The following STON1 variants were observed in gnomAD, a reference collection of about 807,000 sequenced individuals.
STON1 encodes stonin 1, also known as stonin-1.
Under a neutral mutation model 60.9 loss-of-function variants are expected in STON1, and 79 were observed. The ratio of observed to expected loss-of-function variants is 1.30; its 90% CI spans 1.08 to 1.56. The LOEUF (loss-of-function observed/expected upper bound fraction) is 1.56. Ranked by LOEUF, STON1 falls within the 40% of genes most tolerant of loss-of-function variation. The pLI is 0.00. For synonymous variants in STON1, 363 were observed against 306.9 expected (o/e 1.18, Z -1.91); for missense variants, 1,166 against 858.9 (o/e 1.36, Z -4.47).
At chr2:48,573,551 C>G (rs376768030) in intron 1 of STON1, among the ~76,000 whole-genome samples, 38 of 152,090 alleles carry the variant, frequency 2.5e-4, no homozygotes, top group African/African-American at 8.7e-4. Flanking sequence ...TTGGGTTACC[C>G]AAGCCCCACA....
rs929993017 is a variant in STON1, at chr2:48,596,644, G to A, written c.*1342G>A. ...TAGTGTTCTTCCAAACAACATTTATGTGTTGGCCTACAGAGTTTATTTCAT... is the reference window on the plus strand; with the variant it reads ...TAGTGTTCTTCCAAACAACATTTATATGTTGGCCTACAGAGTTTATTTCAT... On this transcript the variant is annotated 3_prime_UTR_variant, in exon 4 of 4. Transcript: ENST00000404752. The A allele has an allele frequency of 1.3e-5, 2 of 151,888 alleles. No individual in the cohort carries two copies. The highest frequency in any genetic ancestry group is 1.3e-4 in the Admixed American group (2 of 15,254). The allele number at this position is 151,888 out of a possible 1,614,324, so 9.4% of individuals were successfully genotyped here.
intron 3 of STON1, among the ~76,000 whole-genome samples, chr2:48,593,250 G>A (rs1294626814): frequency 6.6e-6 from 1 of 152,006 alleles, no homozygotes; most frequent in African/African-American, 2.4e-5. Context: ...CGAGTAGCTG[G>A]GATTACAGGT....
chr2:48,565,540 G>T (rs1672904628), intron 1 of STON1, among the ~76,000 whole-genome samples: 1 of 152,138 alleles, frequency 6.6e-6, no homozygotes, highest in South Asian at 2.1e-4. Flanking sequence ...TGGGCACAGG[G>T]ATCTAAGACA....
In STON1 at chr2:48,593,906, T is replaced by G. The variant is rs569657211; in HGVS notation, c.2134-1322T>G. ...CCCCTTCAGACCTGAAGGATGTATT[T>G]CCCCAGCAGGTGGGAATTGCCGCCG... On this transcript the variant is annotated intron_variant, in intron 3 of 3. Transcript: ENST00000404752. Among the ~76,000 whole-genome samples, 24 of 152,270 alleles carry G rather than the reference T, an allele frequency of 1.6e-4. No individual in the cohort carries two copies. In the South Asian group the frequency reaches 4.6e-3, roughly 29 times the overall value.
In STON1 at chr2:48,596,492, T is replaced by C. The variant is rs1674786026; in HGVS notation, c.*1190T>C. On this transcript the variant is annotated 3_prime_UTR_variant, in exon 4 of 4. Coordinates refer to ENST00000404752, the MANE Select transcript of STON1 (RefSeq NM_006873.4). ...TTTATGAAATCTATATTCCAGGTATTGTTTTTAGTCTGAAAAACAAACTCC... is the reference window on the plus strand; with the variant it reads ...TTTATGAAATCTATATTCCAGGTATCGTTTTTAGTCTGAAAAACAAACTCC... The C allele has an allele frequency of 6.6e-6, 1 of 152,234 alleles. No individual in the cohort carries two copies. Among genetic ancestry groups the C allele is most frequent in the African/African-American group, 2.4e-5 (1 of 41,464 alleles). 9.4% of individuals were successfully genotyped at this position (152,234 alleles called of 1,614,324 possible). A position where few individuals can be genotyped will look rare whatever the true frequency, so the allele number is the denominator to read the frequency against.
At chr2:48,553,755 T>C (rs2103797462) in intron 1 of STON1, among the ~76,000 whole-genome samples, 1 of 152,334 alleles carries the variant, frequency 6.6e-6, no homozygotes, top group Non-Finnish European at 1.5e-5. Context: ...TCCAAAGTGC[T>C]GGGATTACAG....
In STON1 at chr2:48,582,442, G is replaced by T. The variant is rs199917756; in HGVS notation, c.1809G>T (p.Leu603=). Reference sequence around the variant, plus strand: ...CTAAAATGAACCGCCGAGCATGTCTGGGGAGTTTACAGGAACTTGAATCTG... The same window carrying T: ...CTAAAATGAACCGCCGAGCATGTCTTGGGAGTTTACAGGAACTTGAATCTG... ...LKAKMNRRAC[L]GSLQELESEP... The change falls in exon 2 of 4, where the codon CTG becomes CTT. Residue 603 remains leucine, a synonymous_variant. Transcript: ENST00000404752. The T allele has an allele frequency of 6.2e-7, 1 of 1,614,184 alleles. No homozygotes were observed. The highest frequency in any genetic ancestry group is 8.5e-7 in the Non-Finnish European group (1 of 1,180,038).
chr2:48,564,498 C>A (rs1558605046), intron 1 of STON1, among the ~76,000 whole-genome samples: 6 of 23,220 alleles, frequency 2.6e-4, no homozygotes, highest in African/African-American at 9.8e-4. Flanking sequence ...TCTTCTTCTT[C>A]TTCTTCTTCT....
intron 1 of STON1, among the ~76,000 whole-genome samples, chr2:48,540,373 G>T (rs773126770): frequency 4.3e-4 from 66 of 152,074 alleles, no homozygotes; most frequent in Middle Eastern, 6.3e-3. Flanking sequence ...TTACCCCAAG[G>T]CAGGACTCTA....
At chr2:48,545,093 T>C (rs1364724777) in intron 1 of STON1, among the ~76,000 whole-genome samples, 1 of 152,144 alleles carries the variant, frequency 6.6e-6, no homozygotes, top group Non-Finnish European at 1.5e-5. Context: ...ACACTGGTGG[T>C]CAGGTGCTCC....
chr2:48,564,471 TTCTTCTTCTTTCTTCTTCTTCTTC>T (rs1672776801), intron 1 of STON1, among the ~76,000 whole-genome samples: 2 of 51,162 alleles, frequency 3.9e-5, no homozygotes, highest in African/African-American at 1.6e-4. Flanking sequence ...CTTCTTCTTC[TTCTTCTTCTTTCTTCTTCTTCTTC>T]TTCTTCTTCT....
intron 1 of STON1, among the ~76,000 whole-genome samples, chr2:48,557,270 G>A (rs1418440638): frequency 9.8e-5 from 7 of 71,228 alleles, no homozygotes; most frequent in African/African-American, 3.7e-4. Context: ...GGGCGGCCGG[G>A]CAGAGACGCT....
At chr2:48,589,700 C>T (rs1276108437) in intron 2 of STON1, among the ~76,000 whole-genome samples, 3 of 152,258 alleles carry the variant, frequency 2.0e-5, no homozygotes, top group South Asian at 2.1e-4. Flanking sequence ...CAATTTTCAT[C>T]GTAAAATTTC....
At chr2:48,594,662 G>T (rs1674701183) in intron 3 of STON1, among the ~76,000 whole-genome samples, 1 of 152,110 alleles carries the variant, frequency 6.6e-6, no homozygotes, top group Non-Finnish European at 1.5e-5. Flanking sequence ...CTTTATCAGG[G>T]GTAGTCCTGG....
Position 48,578,089 on chromosome 2 carries a change from C to G in STON1, c.-47-2498C>G, listed in dbSNP as rs1408163879. Among the ~76,000 whole-genome samples the G allele has an allele frequency of 7.2e-5, 11 of 152,286 alleles. No homozygotes were observed. The East Asian group carries it at 2.1e-3, about 29-fold the overall frequency. The stretch of plus-strand genomic sequence containing the variant: ...TCTGCCTCCCAGGCAATTCCCCTGC[C>G]TTAGCCTCCAGAGTAGCTTGGAATA... On this transcript the variant is annotated intron_variant, in intron 1 of 3. Coordinates refer to ENST00000404752, the MANE Select transcript of STON1 (RefSeq NM_006873.4).
At chr2:48,565,004 A>G (rs1257756142) in intron 1 of STON1, among the ~76,000 whole-genome samples, 4 of 132,300 alleles carry the variant, frequency 3.0e-5, no homozygotes, top group East Asian at 4.9e-4. Context: ...AAGTGCTGGG[A>G]TTACAGACGT....
intron 1 of STON1, among the ~76,000 whole-genome samples, chr2:48,567,050 A>G (rs935535424): frequency 6.6e-6 from 1 of 152,238 alleles, no homozygotes; most frequent in African/African-American, 2.4e-5. Flanking sequence ...TTATGCTGGA[A>G]AAATGAAGGT....
In STON1 at chr2:48,595,435, A is replaced by G. The variant is rs1674747031; in HGVS notation, c.*133A>G. ...TAGGACAGGTCTGATGGCTGTGTTT[A>G]GAGAAGTTTAGACCTAAAACCGAAC... is the stretch of plus-strand genomic sequence containing the variant. On this transcript the variant is annotated 3_prime_UTR_variant, in exon 4 of 4. Coordinates refer to ENST00000404752, the MANE Select transcript of STON1 (RefSeq NM_006873.4). 2.8e-6 allele frequency: 2 copies of G among 712,932 alleles called. No homozygotes were observed. Among genetic ancestry groups the G allele is most frequent in the Non-Finnish European group, 4.6e-6 (2 of 432,396 alleles). The allele number at this position is 712,932 out of a possible 1,614,324, so 44.2% of individuals were successfully genotyped here.
intron 1 of STON1, chr2:48,530,525 C>CGAGGGCG (rs1671165955): frequency 6.5e-6 from 1 of 153,614 alleles, no homozygotes; most frequent in African/African-American, 2.4e-5. Context: ...GACTCAGTTC[C>CGAGGGCG]GAGGGCGGGG....
Sources: gnomAD v4.1 joint callset for allele counts (sites outside exome capture counted in the v4.1 genomes callset) on GRCh38, gnomAD v4.1.1 for gene constraint, MANE v1.5 for transcripts, NCBI Gene and HGNC (gene_info 2026-07-23, HGNC 2026-07-21) for gene names.